HMGCS1: variants seen among roughly 807,000 people sequenced by gnomAD.
The protein encoded by HMGCS1 is 3-hydroxy-3-methylglutaryl-CoA synthase 1.
In HMGCS1, 9 loss-of-function variants were observed where a neutral mutation model predicts 52.3. The observed-to-expected ratio is 0.17, with a 90% CI of 0.10 to 0.30. The LOEUF (loss-of-function observed/expected upper bound fraction) is 0.30, where lower values mean the gene tolerates loss of function less well. Ranked by LOEUF, HMGCS1 falls within the 10% of genes least tolerant of loss-of-function variation. HMGCS1 has a pLI of 1.00. For missense variants in HMGCS1, 320 were observed against 620.9 expected, an observed-to-expected ratio of 0.52 and a Z score of 5.15; for synonymous variants, 176 against 214.4, an observed-to-expected ratio of 0.82 and a Z score of 1.57.
At chr5:43,295,244 G>A (rs1157694219) in intron 6 of HMGCS1, among the ~76,000 whole-genome samples, 1 of 152,116 alleles carries the variant, frequency 6.6e-6, no homozygotes, top group African/African-American at 2.4e-5. Context: ...GGTATTACAG[G>A]AGCCAAGTTT....
At chr5:43,306,021 A>T (rs1319459247) in intron 2 of HMGCS1, among the ~76,000 whole-genome samples, 1 of 152,124 alleles carries the variant, frequency 6.6e-6, no homozygotes, top group Non-Finnish European at 1.5e-5. Flanking sequence ...TTCTATCCTT[A>T]AAAAAGGCGA....
At position 43,307,151 on chromosome 5, in the gene HMGCS1, A is replaced by G. The variant is rs561981669; in HGVS notation, c.-11+615T>C. 2.0e-5 allele frequency among the ~76,000 whole-genome samples: 3 copies of G among 150,162 alleles called. No individual in the cohort carries two copies. In the East Asian group the frequency reaches 5.8e-4, roughly 29 times the overall value. Reference sequence around the variant, plus strand: ...AGTGGCGCAATCTCAGCTCACTGCAACCTCCGACTTCTGGGTTCAAGCGAT... The same window carrying G: ...AGTGGCGCAATCTCAGCTCACTGCAGCCTCCGACTTCTGGGTTCAAGCGAT... On this transcript the variant is annotated intron_variant, in intron 2 of 10. Transcript: ENST00000325110.
At chr5:43,305,858 T>G (rs28738834) in intron 2 of HMGCS1, among the ~76,000 whole-genome samples, 13,118 of 143,570 alleles carry the variant, frequency 0.091, 1,317 homozygotes, top group African/African-American at 0.27. Flanking sequence ...AACATAATTT[T>G]AAAAATCTGA....
intron 4 of HMGCS1, 77 bp downstream of exon 4, chr5:43,297,932 G>T: frequency 1.5e-6 from 2 of 1,330,418 alleles, no homozygotes; most frequent in South Asian, 2.6e-5. Context: ...TTAAGTAAGC[G>T]ACAGCTCCTA....
chr5:43,297,012 C>T lies in HMGCS1; in HGVS notation c.729G>A (p.Gln243=). The T allele has an allele frequency of 6.2e-7, 1 of 1,613,518 alleles. No homozygotes were observed. Among genetic ancestry groups the T allele is most frequent in the Non-Finnish European group, 8.5e-7 (1 of 1,179,718 alleles). Residue 243 remains glutamine, a synonymous_variant, in exon 5 of 11, where the codon CAG becomes CAA. Coordinates refer to ENST00000325110, the MANE Select transcript of HMGCS1 (RefSeq NM_001098272.3). ...YSVYCKKIHA[Q]WQKEGNDKDF... ...ATGGGTAAAACTTACCTTTCTGCCA[C>T]TGGGCATGGATCTTTTTGCAGTAGA...
intron 6 of HMGCS1, among the ~76,000 whole-genome samples, chr5:43,295,383 A>C (rs551791936): frequency 1.9e-4 from 29 of 152,316 alleles, no homozygotes; most frequent in African/African-American, 7.0e-4. Flanking sequence ...GGAGTACAAA[A>C]GCTGACTTTA....
chr5:43,297,310 C>G (rs1259442753), intron 4 of HMGCS1, 144 bp from the exon 5 acceptor site: 1 of 648,836 alleles, frequency 1.5e-6, no homozygotes. Context: ...CAAGCTGAAG[C>G]CAATATAAGT....
chr5:43,297,895 G>T, intron 4 of HMGCS1, 114 bp downstream of exon 4: 1 of 760,642 alleles, frequency 1.3e-6, no homozygotes, highest in Non-Finnish European at 2.0e-6. Context: ...AAAGCTCTTA[G>T]CAAGTAGTAC....
chr5:43,291,806 T>C (rs1439943280), intron 10 of HMGCS1, among the ~76,000 whole-genome samples: 1 of 152,052 alleles, frequency 6.6e-6, no homozygotes, highest in Admixed American at 6.6e-5. Context: ...ATAGCTATGA[T>C]TGTTACTTCT....
In HMGCS1 at chr5:43,298,263, A is replaced by ATT; in HGVS notation, c.449-131_449-130dup. ...TTTGATAAAGAAAGAAAATGCTCTA[A>ATT]TTTTTTTTTAAAATTCATCTGCCAA... On this transcript the variant is annotated intron_variant, in intron 3 of 10. Coordinates refer to ENST00000325110, the MANE Select transcript of HMGCS1 (RefSeq NM_001098272.3). The surrounding 1 kb of genome is among the most constrained non-coding windows in gnomAD (Gnocchi z 5.6). The ATT allele has an allele frequency of 1.1e-6, 1 of 883,440 alleles. No homozygotes were observed. Among genetic ancestry groups the ATT allele is most frequent in the Non-Finnish European group, 1.7e-6 (1 of 597,564 alleles). 54.7% of individuals were successfully genotyped at this position (883,440 alleles called of 1,614,324 possible).
intron 2 of HMGCS1, among the ~76,000 whole-genome samples, chr5:43,300,158 T>A (rs1754242186): frequency 6.6e-6 from 1 of 152,204 alleles, no homozygotes; most frequent in African/African-American, 2.4e-5. Context: ...CTTGAGTACT[T>A]CCATCAGCCC....
chr5:43,304,259 CT>C (rs1288963550), intron 2 of HMGCS1, among the ~76,000 whole-genome samples: 1 of 152,232 alleles, frequency 6.6e-6, no homozygotes, highest in African/African-American at 2.4e-5. Context: ...TCCCACAAGG[CT>C]ACCCTTTAGA....
rs138020927 is a variant in HMGCS1, at chr5:43,312,735, C to T, written c.-70+621G>A. Among the ~76,000 whole-genome samples, 22 of 152,256 alleles carry T rather than the reference C, an allele frequency of 1.4e-4. No individual in the cohort carries two copies. The East Asian group carries it at 4.2e-3, about 29-fold the overall frequency. Reference sequence around the variant, plus strand: ...AGGCAGGAAGGCGGGAGGCAGTGATCTATGAGATTTGAAGCAAGTACAGAC... The same window carrying T: ...AGGCAGGAAGGCGGGAGGCAGTGATTTATGAGATTTGAAGCAAGTACAGAC... On this transcript the variant is annotated intron_variant, in intron 1 of 10. Transcript: ENST00000325110.
chr5:43,303,061 C>G (rs571723056), intron 2 of HMGCS1, among the ~76,000 whole-genome samples: 1 of 152,234 alleles, frequency 6.6e-6, no homozygotes, highest in South Asian at 2.1e-4. Context: ...TTAAAAAATT[C>G]TAAGTAATCA....
intron 10 of HMGCS1, among the ~76,000 whole-genome samples, chr5:43,291,425 T>TA (rs1359502097): frequency 1.3e-5 from 2 of 152,204 alleles, no homozygotes; most frequent in Admixed American, 6.5e-5. Flanking sequence ...CAATTATCCA[T>TA]ATGGGGGGGA....
chr5:43,308,278 C>A (rs899161030), intron 1 of HMGCS1, among the ~76,000 whole-genome samples: 1 of 152,126 alleles, frequency 6.6e-6, no homozygotes, highest in Non-Finnish European at 1.5e-5. Flanking sequence ...CAATTCTGGA[C>A]CTCAGTTTCC....
At chr5:43,295,109 G>GCTT (rs1753964900) in intron 6 of HMGCS1, among the ~76,000 whole-genome samples, 1 of 152,090 alleles carries the variant, frequency 6.6e-6, no homozygotes, top group African/African-American at 2.4e-5. Context: ...ACGCACTGTA[G>GCTT]CTTTATATTT....
At position 43,290,732 on chromosome 5, in the gene HMGCS1, T is replaced by C. The variant is rs117080617; in HGVS notation, c.*399A>G. 22 of 157,544 alleles carry C rather than the reference T, an allele frequency of 1.4e-4. No individual in the cohort carries two copies. In the East Asian group the frequency reaches 3.9e-3, roughly 28 times the overall value. 9.8% of individuals were successfully genotyped at this position (157,544 alleles called of 1,614,324 possible). A position where few individuals can be genotyped will look rare whatever the true frequency, so the allele number is the denominator to read the frequency against. ...ACCACAGGTACTTTCTGTAATCTTG[T>C]TGTTCAAAGTACAAAATTCTTACAT... On this transcript the variant is annotated 3_prime_UTR_variant, in exon 11 of 11. Coordinates refer to ENST00000325110, the MANE Select transcript of HMGCS1 (RefSeq NM_001098272.3).
chr5:43,292,420 C>T lies in HMGCS1; in HGVS notation c.1473+54G>A, dbSNP rs887349354. On this transcript the variant is annotated intron_variant, in intron 10 of 10. Coordinates refer to ENST00000325110, the MANE Select transcript of HMGCS1 (RefSeq NM_001098272.3). Reference sequence around the variant, plus strand: ...CTGACATTTATTTATGTTGCTAAATCCCAGTTAGGTCTCCTAAACCCTAAG... The same window carrying T: ...CTGACATTTATTTATGTTGCTAAATTCCAGTTAGGTCTCCTAAACCCTAAG... 1.0e-5 allele frequency: 15 copies of T among 1,448,702 alleles called. No individual in the cohort carries two copies. In the African/African-American group the frequency reaches 2.1e-4, roughly 20 times the overall value. 89.7% of individuals were successfully genotyped at this position (1,448,702 alleles called of 1,614,324 possible). A position where few individuals can be genotyped will look rare whatever the true frequency, so the allele number is the denominator to read the frequency against.
Sources: allele counts gnomAD v4.1 joint callset (sites outside exome capture counted in the v4.1 genomes callset), GRCh38; gene constraint gnomAD v4.1.1; non-coding constraint Gnocchi (gnomAD v3.1); transcripts MANE v1.5; gene names NCBI Gene and HGNC (gene_info 2026-07-23, HGNC 2026-07-21).